The following CNTNAP1 variants were observed in gnomAD, a reference collection of about 807,000 sequenced individuals.
The protein encoded by CNTNAP1 is contactin-associated protein 1.
CNTNAP1 carries 80 observed loss-of-function variants against 161.5 expected under a neutral mutation model. The ratio of observed to expected loss-of-function variants is 0.50; its 90% CI spans 0.41 to 0.60. The LOEUF is 0.60. Ranked by LOEUF, CNTNAP1 falls within the 20% of genes least tolerant of loss-of-function variation. CNTNAP1 has a pLI of 0.00. For missense variants in CNTNAP1, 1,464 were observed against 1,854.8 expected (o/e 0.79, Z 3.87); for synonymous variants, 695 against 733.1 (o/e 0.95, Z 0.84).
rs368588909 is a variant in CNTNAP1, at chr17:42,691,991, A to G, written c.2530A>G (p.Thr844Ala). 1.9e-6 allele frequency: 3 copies of G among 1,613,220 alleles called. No homozygotes were observed. The African/African-American group carries it at 4.0e-5, about 22-fold the overall frequency. ...ACCTTATGTGCGGGTGGAACTCAAC[A>G]GTGAGCAGGCAGACTGTGGGAGGGC... Reference protein sequence around the residue: ...RRPYVRVELNTSRDVVFAFDV... With the variant: ...RRPYVRVELNASRDVVFAFDV... The change falls in exon 16 of 24, where the codon ACA becomes GCA. Residue 844 changes from threonine to alanine, a missense_variant and splice_region_variant. Around this residue, in one of 3 missense-constraint regions of CNTNAP1, gnomAD observed 1,383 missense variants for 1,765.0 expected, o/e 0.78. Transcript: ENST00000264638. The surrounding 1 kb of genome is among the most constrained non-coding windows in gnomAD (Gnocchi z 4.3).
intron 16 of CNTNAP1, 89 bp downstream of exon 16, chr17:42,692,080 G>T: frequency 7.3e-7 from 1 of 1,370,206 alleles, no homozygotes; most frequent in African/African-American, 1.4e-5. Flanking sequence ...GCCAAGGGCA[G>T]ATGCCCTTTT....
At position 42,697,648 on chromosome 17, in the gene CNTNAP1, C is replaced by T; in HGVS notation, c.3663C>T (p.Leu1221=). Residue 1221 remains leucine (L), a synonymous_variant, in exon 22 of 24, where the codon CTC becomes CTT. Transcript: ENST00000264638. ...SGVRFNNVAP[L]KTHFRTPRPM... ...TTCGATTCAACAACGTGGCTCCCCTCAAGACCCACTTCCGAACCCCTCGAC... is the reference window on the plus strand; with the variant it reads ...TTCGATTCAACAACGTGGCTCCCCTTAAGACCCACTTCCGAACCCCTCGAC... 1 of 1,614,158 alleles carries T rather than the reference C, an allele frequency of 6.2e-7. No homozygotes were observed. Among genetic ancestry groups the T allele is most frequent in the Non-Finnish European group, 8.5e-7 (1 of 1,180,020 alleles).
chr17:42,682,792 G>C lies in CNTNAP1; in HGVS notation c.-38G>C. Reference sequence around the variant, plus strand: ...CAGAACTCGAGCCCTAGCCGGAGCCGTTCACAGGGAGGCGGCTGCCGGGAC... The same window carrying C: ...CAGAACTCGAGCCCTAGCCGGAGCCCTTCACAGGGAGGCGGCTGCCGGGAC... On this transcript the variant is annotated 5_prime_UTR_variant, in exon 1 of 24. Transcript: ENST00000264638. 1 of 1,548,360 alleles carries C rather than the reference G, an allele frequency of 6.5e-7. No homozygotes were observed. The highest frequency in any genetic ancestry group is 8.7e-7 in the Non-Finnish European group (1 of 1,148,632).
In CNTNAP1 at chr17:42,684,787, G is replaced by T. The variant is rs150544813; in HGVS notation, c.364-204G>T. Among the ~76,000 whole-genome samples the T allele has an allele frequency of 9.6e-4, 146 of 152,142 alleles. 3 individuals carry two copies. In the East Asian group the frequency reaches 0.028, roughly 29 times the overall value. On this transcript the variant is annotated intron_variant, in intron 3 of 23. Transcript: ENST00000264638. ...AAAAATACAAAAAAATCAGCCGGGC[G>T]TAGTGGCGGGCGCCTGTAATCCCAG...
rs756328683 is a variant in CNTNAP1 at position 42,690,776 on chromosome 17, G to C, written c.1893G>C (p.Leu631=). Residue 631 remains leucine (L), a synonymous_variant, in exon 13 of 24, where the codon CTG becomes CTC. Coordinates refer to ENST00000264638, the MANE Select transcript of CNTNAP1 (RefSeq NM_003632.3). ...RAWTVVRHDR[L]WTTRVTGSSM... Reference sequence around the variant, plus strand: ...GGACAGTTGTGCGGCATGACAGGCTGTGGACAACTCGAGTGACAGGTTCCA... The same window carrying C: ...GGACAGTTGTGCGGCATGACAGGCTCTGGACAACTCGAGTGACAGGTTCCA... The C allele has an allele frequency of 1.2e-6, 2 of 1,614,074 alleles. No individual in the cohort carries two copies. The highest frequency in any genetic ancestry group is 3.3e-5 in the Admixed American group (2 of 59,998).
chr17:42,686,315 G>A (rs925824795), intron 6 of CNTNAP1, among the ~76,000 whole-genome samples, 174 bp downstream of exon 6: 37 of 151,918 alleles, frequency 2.4e-4, no homozygotes, highest in African/African-American at 8.0e-4. Flanking sequence ...GAGGTGGGAG[G>A]ATTGCTTGAG....
Position 42,687,509 on chromosome 17 carries a change from C to A in CNTNAP1, c.1045-211C>A. On this transcript the variant is annotated intron_variant, in intron 7 of 23. Coordinates refer to ENST00000264638, the MANE Select transcript of CNTNAP1 (RefSeq NM_003632.3). The surrounding 1 kb of genome is among the most constrained non-coding windows in gnomAD (Gnocchi z 4.7). ...GACGGTGGAGATCAGCGAGAGCAAGCGAGCAGAGTTCCGAGGGCCGACTGG... is the reference window on the plus strand; with the variant it reads ...GACGGTGGAGATCAGCGAGAGCAAGAGAGCAGAGTTCCGAGGGCCGACTGG... The A allele has an allele frequency of 1.6e-6, 1 of 618,610 alleles. No homozygotes were observed. The highest frequency in any genetic ancestry group is 2.8e-6 in the Non-Finnish European group (1 of 354,114). The allele number at this position is 618,610 out of a possible 1,614,324, so 38.3% of individuals were successfully genotyped here.
chr17:42,683,759 C>G, intron 1 of CNTNAP1, 62 bp from the exon 2 acceptor site: 1 of 1,554,876 alleles, frequency 6.4e-7, no homozygotes, highest in Non-Finnish European at 8.7e-7. Context: ...GCTAAGTGGG[C>G]CGGCCTTTGG....
intron 6 of CNTNAP1, among the ~76,000 whole-genome samples, chr17:42,686,513 G>T (rs1156825927): frequency 9.0e-6 from 1 of 111,492 alleles, no homozygotes; most frequent in Non-Finnish European, 1.7e-5. Context: ...GTTGCTGTTA[G>T]CATGCAGACT....
rs1368256767 is a variant in CNTNAP1, at chr17:42,687,640, T to C, written c.1045-80T>C. The C allele has an allele frequency of 1.3e-6, 2 of 1,556,250 alleles. No individual in the cohort carries two copies. The highest frequency in any genetic ancestry group is 1.7e-6 in the Non-Finnish European group (2 of 1,144,454). On this transcript the variant is annotated intron_variant, in intron 7 of 23. Coordinates refer to ENST00000264638, the MANE Select transcript of CNTNAP1 (RefSeq NM_003632.3). The surrounding 1 kb of genome is among the most constrained non-coding windows in gnomAD (Gnocchi z 4.7). Reference sequence around the variant, plus strand: ...CGAAGGAGGGCGGTGACCAGGGTCTTAGACCGGTGTGAAAACTGAATTCCC... The same window carrying C: ...CGAAGGAGGGCGGTGACCAGGGTCTCAGACCGGTGTGAAAACTGAATTCCC...
At chr17:42,697,477 G>A (rs1184808855) in intron 21 of CNTNAP1, 77 bp from the exon 22 acceptor site, 1 of 1,608,666 alleles carries the variant, frequency 6.2e-7, no homozygotes, top group African/African-American at 1.3e-5. Context: ...GGAAGGATGA[G>A]TGGGAAACCT....
At position 42,692,568 on chromosome 17, in the gene CNTNAP1, A is replaced by G. The variant is rs1567974035; in HGVS notation, c.2600A>G (p.Asp867Gly). The change falls in exon 17 of 24, where the codon GAC becomes GGC. Residue 867 changes from aspartate to glycine, a missense_variant. This residue lies in a region of CNTNAP1 where 1,383 missense variants were observed against 1,765.0 expected (regional missense o/e 0.78). Coordinates refer to ENST00000264638, the MANE Select transcript of CNTNAP1 (RefSeq NM_003632.3). ...GAGAACCTCACAGTACACTCAGACG[A>G]CTTTGAGTTCAATGATGACGAGTGG... is the stretch of plus-strand genomic sequence containing the variant. ...GDENLTVHSD[D>G]FEFNDDEWHL... The G allele has an allele frequency of 1.9e-6, 3 of 1,614,196 alleles. No homozygotes were observed. Among genetic ancestry groups the G allele is most frequent in the Non-Finnish European group, 2.5e-6 (3 of 1,180,030 alleles).
chr17:42,693,254 T>C (rs370056396), intron 17 of CNTNAP1, 43 bp from the exon 18 acceptor site: 220 of 1,608,956 alleles, frequency 1.4e-4, no homozygotes, highest in African/African-American at 5.5e-4. Flanking sequence ...CCACCGCGCC[T>C]GGCCCTGCCT....
intron 1 of CNTNAP1, chr17:42,683,111 G>A: frequency 1.6e-6 from 1 of 615,958 alleles, no homozygotes; most frequent in Non-Finnish European, 2.8e-6. Flanking sequence ...CTGGGAAGAG[G>A]ATGAAGTCAG....
rs1338435664 is a variant in CNTNAP1, at chr17:42,692,520, C to T, written c.2552C>T (p.Ala851Val). 1 of 1,613,992 alleles carries T rather than the reference C, an allele frequency of 6.2e-7. No homozygotes were observed. The highest frequency in any genetic ancestry group is 1.3e-5 in the African/African-American group (1 of 74,888). Residue 851 changes from alanine to valine, a missense_variant, in exon 17 of 24, where the codon GCC (alanine) becomes GTC (valine). Ala to Val is a moderately conservative substitution (Grantham distance 64, BLOSUM62 0). This residue lies in a region of CNTNAP1 where 1,383 missense variants were observed against 1,765.0 expected (regional missense o/e 0.78). Coordinates refer to ENST00000264638, the MANE Select transcript of CNTNAP1 (RefSeq NM_003632.3). ...ELNTSRDVVF[A>V]FDVGNGDENL... ...CCAGCATCCCGGGATGTGGTCTTCG[C>T]CTTTGATGTGGGGAATGGGGATGAG...
Position 42,685,951 on chromosome 17 carries a change from C to G in CNTNAP1, c.716-6C>G. On this transcript the variant is annotated splice_polypyrimidine_tract_variant and splice_region_variant and intron_variant, in intron 5 of 23. Coordinates refer to ENST00000264638, the MANE Select transcript of CNTNAP1 (RefSeq NM_003632.3). The surrounding 1 kb of genome is among the most constrained non-coding windows in gnomAD (Gnocchi z 5.0). ...GAGGTTTCACTCTGTCCTGCCCCAC[C>G]CTCAGGCAGCAGCCCTATCCAGCCA... 6.2e-7 allele frequency: 1 copy of G among 1,613,884 alleles called. No individual in the cohort carries two copies. Among genetic ancestry groups the G allele is most frequent in the East Asian group, 2.2e-5 (1 of 44,876 alleles).
chr17:42,684,107 C>T lies in CNTNAP1; in HGVS notation c.241C>T (p.Arg81Trp). ...WLQIDLMKKH[R>W]IRAVATQGSF... is the part of the protein sequence containing the mutation. ...CCAGATAGACTTAATGAAGAAGCACCGGATCCGGGCCGTGGCCACACAGGG... is the reference window on the plus strand; with the variant it reads ...CCAGATAGACTTAATGAAGAAGCACTGGATCCGGGCCGTGGCCACACAGGG... Residue 81 changes from arginine to tryptophan, a missense_variant, in exon 3 of 24, where the codon CGG (arginine) becomes TGG (tryptophan). By Grantham distance (101) the Arg-to-Trp change is moderately radical. Transcript: ENST00000264638. 1 of 1,614,188 alleles carries T rather than the reference C, an allele frequency of 6.2e-7. No individual in the cohort carries two copies. Among genetic ancestry groups the T allele is most frequent in the Non-Finnish European group, 8.5e-7 (1 of 1,180,026 alleles).
rs139503391 is a variant in CNTNAP1 at position 42,684,010 on chromosome 17, G to T, written c.170-26G>T. ...GAGGACTTCGGGGAGAGGGATAGCC[G>T]GTTAAAGCTCCTGTCCTTTCTATAG... On this transcript the variant is annotated intron_variant, in intron 2 of 23. Coordinates refer to ENST00000264638, the MANE Select transcript of CNTNAP1 (RefSeq NM_003632.3). The T allele has an allele frequency of 6.2e-6, 10 of 1,613,426 alleles. No individual in the cohort carries two copies. In the African/African-American group the frequency reaches 1.1e-4, roughly 17 times the overall value.
Position 42,687,618 on chromosome 17 carries a change from A to C in CNTNAP1, c.1045-102A>C. On this transcript the variant is annotated intron_variant, in intron 7 of 23. Transcript: ENST00000264638. This position sits in a 1 kb window ranked among gnomAD's most constrained non-coding sequence, Gnocchi z 4.7. ...GAGATCTCACCCCCGCCAACACCGA[A>C]GGAGGGCGGTGACCAGGGTCTTAGA... 6.9e-7 allele frequency: 1 copy of C among 1,444,120 alleles called. No individual in the cohort carries two copies. The highest frequency in any genetic ancestry group is 9.5e-7 in the Non-Finnish European group (1 of 1,057,700). The allele number at this position is 1,444,120 out of a possible 1,614,324, so 89.5% of individuals were successfully genotyped here.
Sources: gnomAD v4.1 joint callset for allele counts (sites outside exome capture counted in the v4.1 genomes callset) on GRCh38, gnomAD v4.1.1 for gene constraint, gnomAD v4.1.1 regional missense constraint, Gnocchi (gnomAD v3.1) non-coding constraint, MANE v1.5 for transcripts, NCBI Gene and HGNC (gene_info 2026-07-23, HGNC 2026-07-21) for gene names.